FREM3: variants seen among roughly 807,000 people sequenced by gnomAD.
FREM3 encodes FRAS1 related extracellular matrix 3.
A neutral mutation model predicts 129.1 loss-of-function variants in FREM3; 105 were observed. That is an observed-to-expected ratio of 0.81 (90% CI 0.69 to 0.96). The LOEUF is 0.96. Among genes scored for constraint, FREM3 ranks in the 40% least tolerant of loss-of-function variants. FREM3 has a pLI of 0.00. For synonymous variants in FREM3, 1,014 were observed against 1,044.9 expected (o/e 0.97, Z 0.57); for missense variants, 2,593 against 2,666.3 (o/e 0.97, Z 0.61).
intron 2 of FREM3, among the ~76,000 whole-genome samples, chr4:143,670,809 A>G (rs1332169551): frequency 6.6e-6 from 1 of 152,074 alleles, no homozygotes; most frequent in East Asian, 1.9e-4. Flanking sequence ...CTTATATCAG[A>G]GCTTTCTTAG....
At position 143,698,148 on chromosome 4, in the gene FREM3, C is replaced by A. The variant is rs1430255252; in HGVS notation, c.2528G>T (p.Gly843Val). ...TNRGFAILEGGSFNLSSNELH... is the reference protein window; with the variant it reads ...TNRGFAILEGVSFNLSSNELH... Reference sequence around the variant, plus strand: ...CTCATTACTGCTGAGGTTAAAGCTGCCTCCCTCTAAGATAGCAAAGCCTCT... The same window carrying A: ...CTCATTACTGCTGAGGTTAAAGCTGACTCCCTCTAAGATAGCAAAGCCTCT... The change falls in exon 1 of 8, where the codon GGC (glycine) becomes GTC (valine). Residue 843 changes from glycine to valine, a missense_variant. Gly to Val is a moderately radical substitution (Grantham distance 109). Coordinates refer to ENST00000329798, the MANE Select transcript of FREM3 (RefSeq NM_001168235.2). 6.5e-7 allele frequency: 1 copy of A among 1,537,320 alleles called. No individual in the cohort carries two copies. The highest frequency in any genetic ancestry group is 1.2e-5 in the South Asian group (1 of 84,062).
rs541123718 is a variant in FREM3, at chr4:143,621,043, G to A, written c.5773C>T (p.Arg1925Cys). ...ACCCCACAGAGCCTCATACCTTGAC[G>A]TGTGGAGCAAATGACGATTAGTTCC... ...SQELIVICSTRQGSATGTISS... is the reference protein window; with the variant it reads ...SQELIVICSTCQGSATGTISS... Residue 1925 changes from arginine to cysteine, a missense_variant, in exon 5 of 8, where the codon CGT becomes TGT. This residue lies in a region of FREM3 where 317 missense variants were observed against 399.0 expected (regional missense o/e 0.79). Transcript: ENST00000329798. The A allele has an allele frequency of 7.0e-5, 108 of 1,537,310 alleles. No individual in the cohort carries two copies. Among genetic ancestry groups the A allele is most frequent in the African/African-American group, 6.3e-4 (46 of 73,140 alleles).
chr4:143,595,117 C>G (rs1239240730), intron 6 of FREM3, among the ~76,000 whole-genome samples: 1 of 152,176 alleles, frequency 6.6e-6, no homozygotes, highest in Non-Finnish European at 1.5e-5. Context: ...TTCGGAGACG[C>G]TTAATGCCAG....
At chr4:143,638,058 A>G (rs1331920395) in intron 2 of FREM3, among the ~76,000 whole-genome samples, 4 of 152,122 alleles carry the variant, frequency 2.6e-5, no homozygotes, top group African/African-American at 9.7e-5. Context: ...AAAACCCAAT[A>G]TGTCATGCTA....
intron 2 of FREM3, among the ~76,000 whole-genome samples, chr4:143,629,886 G>T (rs1303960942): frequency 1.3e-5 from 2 of 152,126 alleles, no homozygotes; most frequent in African/African-American, 4.8e-5. Context: ...ATTCCTGTGG[G>T]TTAGAGATCA....
At chr4:143,645,651 C>G (rs1408682394) in intron 2 of FREM3, among the ~76,000 whole-genome samples, 1 of 152,174 alleles carries the variant, frequency 6.6e-6, no homozygotes, top group Non-Finnish European at 1.5e-5. Context: ...AACATCAACT[C>G]TTAACTGAAT....
At chr4:143,627,437 C>T (rs987323106) in intron 3 of FREM3, among the ~76,000 whole-genome samples, 177 bp downstream of exon 3, 1 of 152,126 alleles carries the variant, frequency 6.6e-6, no homozygotes, top group Non-Finnish European at 1.5e-5. Flanking sequence ...TGATACATAT[C>T]TAAGCCCCAT....
intron 2 of FREM3, among the ~76,000 whole-genome samples, chr4:143,690,951 T>C (rs1391189): frequency 0.31 from 46,856 of 151,850 alleles, 7,490 homozygotes; most frequent in Middle Eastern, 0.36. Flanking sequence ...GAGTTCGAGG[T>C]TGCAGTGCAC....
chr4:143,659,154 A>G (rs1017856593), intron 2 of FREM3, among the ~76,000 whole-genome samples: 3 of 151,098 alleles, frequency 2.0e-5, no homozygotes, highest in Non-Finnish European at 4.4e-5. Flanking sequence ...TGTGCAGGTT[A>G]CATATGTATA....
At chr4:143,648,512 C>T (rs1160003445) in intron 2 of FREM3, among the ~76,000 whole-genome samples, 1 of 152,192 alleles carries the variant, frequency 6.6e-6, no homozygotes, top group Non-Finnish European at 1.5e-5. Flanking sequence ...ATAAGTGAAT[C>T]ATGGGGGGGC....
At chr4:143,605,297 C>T (rs28533036) in intron 6 of FREM3, among the ~76,000 whole-genome samples, 8 of 151,830 alleles carry the variant, frequency 5.3e-5, no homozygotes, top group East Asian at 1.9e-4. Flanking sequence ...GAATATGGCA[C>T]GGCTCAAGGG....
At chr4:143,642,799 A>G (rs1739344061) in intron 2 of FREM3, among the ~76,000 whole-genome samples, 1 of 152,154 alleles carries the variant, frequency 6.6e-6, no homozygotes, top group Non-Finnish European at 1.5e-5. Context: ...ATGACATCAA[A>G]CTCACATGCT....
At chr4:143,580,044 T>C (rs1340823331) in intron 7 of FREM3, among the ~76,000 whole-genome samples, 1 of 152,186 alleles carries the variant, frequency 6.6e-6, no homozygotes, top group African/African-American at 2.4e-5. Flanking sequence ...TTATTCACTC[T>C]TGGTTTCATG....
At chr4:143,624,879 G>C (rs566880658) in intron 3 of FREM3, among the ~76,000 whole-genome samples, 1 of 152,258 alleles carries the variant, frequency 6.6e-6, no homozygotes, top group South Asian at 2.1e-4. Context: ...TTGGAAGACT[G>C]ACCCTGAAGG....
At position 143,696,146 on chromosome 4, in the gene FREM3, G is replaced by T. The variant is rs1740563315; in HGVS notation, c.4530C>A (p.Ser1510Arg). The part of the protein sequence containing the change: ...HTSNDEKKMD[S>R]FEFQVIGELY... ...GTTCGCCGATCACTTGAAATTCGAAGCTGTCCATCTTTTTCTCATCATTTG... is the reference window on the plus strand; with the variant it reads ...GTTCGCCGATCACTTGAAATTCGAATCTGTCCATCTTTTTCTCATCATTTG... The change falls in exon 1 of 8, where the codon AGC becomes AGA. Residue 1510 changes from serine to arginine, a missense_variant. Physicochemically the swap from Ser to Arg is moderately radical, Grantham distance 110 (BLOSUM62 -1). Around this residue, in one of 2 missense-constraint regions of FREM3, gnomAD observed 2,276 missense variants for 2,267.2 expected, o/e 1.00. Coordinates refer to ENST00000329798, the MANE Select transcript of FREM3 (RefSeq NM_001168235.2). 1 of 1,537,536 alleles carries T rather than the reference G, an allele frequency of 6.5e-7. No individual in the cohort carries two copies. The highest frequency in any genetic ancestry group is 8.7e-7 in the Non-Finnish European group (1 of 1,146,976).
chr4:143,668,813 T>C (rs1739913483), intron 2 of FREM3, among the ~76,000 whole-genome samples: 1 of 152,238 alleles, frequency 6.6e-6, no homozygotes, highest in Non-Finnish European at 1.5e-5. Flanking sequence ...TCCTACTTTT[T>C]TGTAAATTAC....
Position 143,696,818 on chromosome 4 carries a change from G to A in FREM3, c.3858C>T (p.Asp1286=), listed in dbSNP as rs535974561. Residue 1286 remains aspartate (D), a synonymous_variant, in exon 1 of 8, where the codon GAC becomes GAT. Transcript: ENST00000329798. ...CCTTCCTGTGGGTTGTGTGCTTGCC[G>A]TCACTCAGCCAGACCTCAAAACTGT... ...KEDSFEVWLS[D]GKHTTHRKVP... 2.7e-5 allele frequency: 42 copies of A among 1,537,660 alleles called. No individual in the cohort carries two copies. The highest frequency in any genetic ancestry group is 3.1e-5 in the Non-Finnish European group (36 of 1,147,038).
chr4:143,645,503 A>G (rs959672265), intron 2 of FREM3, among the ~76,000 whole-genome samples: 3 of 152,228 alleles, frequency 2.0e-5, no homozygotes, highest in Non-Finnish European at 4.4e-5. Context: ...GGTGGGCCTC[A>G]TTCAATCAGT....
intron 2 of FREM3, among the ~76,000 whole-genome samples, chr4:143,661,107 T>C (rs1457457191): frequency 1.1e-4 from 16 of 152,148 alleles, no homozygotes; most frequent in Non-Finnish European, 1.8e-4. Flanking sequence ...CTGGCCAGAA[T>C]TTCCAACACT....
Sources: allele counts gnomAD v4.1 joint callset (sites outside exome capture counted in the v4.1 genomes callset), GRCh38; gene constraint gnomAD v4.1.1; regional missense constraint gnomAD v4.1.1; transcripts MANE v1.5; gene names NCBI Gene and HGNC (gene_info 2026-07-23, HGNC 2026-07-21).